The following DNAAF9 variants were observed in gnomAD, a reference collection of about 807,000 sequenced individuals.
DNAAF9 encodes dynein axonemal assembly factor 9.
In DNAAF9, 90 loss-of-function variants were observed where a neutral mutation model predicts 167.0. The ratio of observed to expected loss-of-function variants is 0.54; its 90% CI spans 0.45 to 0.64. The LOEUF (loss-of-function observed/expected upper bound fraction) is 0.64. Ranked by LOEUF, DNAAF9 falls within the 30% of genes least tolerant of loss-of-function variation. The probability of loss-of-function intolerance (pLI) is 0.00; values close to 1 mark genes in which losing one functional copy is unlikely to be tolerated. For missense variants in DNAAF9, 1,315 were observed against 1,442.2 expected, an observed-to-expected ratio of 0.91 and a Z score of 1.43; for synonymous variants, 491 against 508.8, an observed-to-expected ratio of 0.96 and a Z score of 0.47.
chr20:3,393,740 C>G (rs945838990), intron 1 of DNAAF9, among the ~76,000 whole-genome samples: 2 of 152,118 alleles, frequency 1.3e-5, no homozygotes, highest in Non-Finnish European at 2.9e-5. Flanking sequence ...TTAAGAGGTG[C>G]CTGCATTTTA....
chr20:3,271,115 C>T (rs1027904233), intron 29 of DNAAF9, among the ~76,000 whole-genome samples: 1 of 152,048 alleles, frequency 6.6e-6, no homozygotes, highest in African/African-American at 2.4e-5. Context: ...ACCCGGCCTC[C>T]TCTATTATTT....
At chr20:3,360,470 T>C (rs1568627290) in intron 6 of DNAAF9, among the ~76,000 whole-genome samples, 1 of 152,224 alleles carries the variant, frequency 6.6e-6, no homozygotes, top group Admixed American at 6.5e-5. Context: ...ATAATATGAC[T>C]TTTTTAGTTT....
At chr20:3,327,835 A>T (rs1417354206) in intron 12 of DNAAF9, among the ~76,000 whole-genome samples, 1 of 152,190 alleles carries the variant, frequency 6.6e-6, no homozygotes, top group African/African-American at 2.4e-5. Flanking sequence ...GCAGGACATG[A>T]CATGTCAGCT....
At chr20:3,339,052 C>T (rs1027436183) in intron 10 of DNAAF9, among the ~76,000 whole-genome samples, 4 of 152,016 alleles carry the variant, frequency 2.6e-5, no homozygotes, top group Admixed American at 1.3e-4. Flanking sequence ...CTGATTCCTT[C>T]CATGGATATG....
In DNAAF9 at chr20:3,250,289, G is replaced by C. The variant is rs1463273796; in HGVS notation, c.*2283C>G. ...TGACCTTCACAGAACAGAGAGGCCT[G>C]GCAGGTTCCAGGAGGCATCCCCTGG... On this transcript the variant is annotated 3_prime_UTR_variant, in exon 37 of 37. Coordinates refer to ENST00000252032, the MANE Select transcript of DNAAF9 (RefSeq NM_001009984.3). The C allele has an allele frequency of 6.6e-6, 1 of 152,242 alleles. No individual in the cohort carries two copies. The highest frequency in any genetic ancestry group is 1.5e-5 in the Non-Finnish European group (1 of 68,066). The allele number at this position is 152,242 out of a possible 1,614,324, so 9.4% of individuals were successfully genotyped here.
At chr20:3,325,006 G>C (rs1485389732) in intron 13 of DNAAF9, 38 bp from the exon 14 acceptor site, 1 of 1,180,764 alleles carries the variant, frequency 8.5e-7, no homozygotes, top group Non-Finnish European at 1.3e-6. Context: ...AGCTTTCACA[G>C]CAGGAAAAAG....
At chr20:3,272,714 A>G (rs1316001049) in intron 29 of DNAAF9, among the ~76,000 whole-genome samples, 7 of 152,224 alleles carry the variant, frequency 4.6e-5, no homozygotes. Flanking sequence ...CAACATTTAT[A>G]TTCTATTTTG....
chr20:3,374,988 C>A (rs144534213), intron 5 of DNAAF9, 42 bp downstream of exon 5: 2 of 1,060,106 alleles, frequency 1.9e-6, no homozygotes, highest in East Asian at 2.4e-5. Context: ...ATTCACACAC[C>A]ACCTAAGCAA....
At chr20:3,263,141 A>G (rs1009535432) in intron 31 of DNAAF9, among the ~76,000 whole-genome samples, 1 of 151,618 alleles carries the variant, frequency 6.6e-6, no homozygotes, top group South Asian at 2.1e-4. Context: ...CACCTGGCTA[A>G]TTTTTTGTAT....
intron 24 of DNAAF9, 39 bp from the exon 25 acceptor site, chr20:3,294,295 A>G (rs747425672): frequency 1.5e-6 from 2 of 1,375,502 alleles, no homozygotes; most frequent in African/African-American, 2.9e-5. Flanking sequence ...TTACCATCCT[A>G]GCCTGTCCTG....
chr20:3,387,118 T>A (rs1014509561), intron 1 of DNAAF9, among the ~76,000 whole-genome samples: 2 of 152,212 alleles, frequency 1.3e-5, no homozygotes, highest in African/African-American at 4.8e-5. Context: ...TGTAATCCCT[T>A]CTCAAATCCC....
intron 16 of DNAAF9, among the ~76,000 whole-genome samples, chr20:3,321,539 A>G (rs746645532): frequency 6.6e-6 from 1 of 152,110 alleles, no homozygotes; most frequent in Non-Finnish European, 1.5e-5. Context: ...GTGGTACAGG[A>G]CTGTAGTTAA....
chr20:3,281,901 GT>G, intron 27 of DNAAF9, 135 bp from the exon 28 acceptor site: 1 of 744,650 alleles, frequency 1.3e-6, no homozygotes, highest in South Asian at 1.8e-5. Context: ...TGGTCCCTTG[GT>G]GTCACTCCAC....
chr20:3,354,996 T>A (rs2083264791), intron 7 of DNAAF9, among the ~76,000 whole-genome samples: 2 of 152,160 alleles, frequency 1.3e-5, no homozygotes, highest in African/African-American at 4.8e-5. Context: ...CCCTCTCCAC[T>A]GACTCTAGGG....
chr20:3,298,637 T>C (rs1050673244), intron 21 of DNAAF9, among the ~76,000 whole-genome samples: 2 of 152,140 alleles, frequency 1.3e-5, no homozygotes, highest in Non-Finnish European at 2.9e-5. Flanking sequence ...TTTTCCCCTA[T>C]ACTGAAAATG....
chr20:3,307,980 A>G (rs1568594869), intron 20 of DNAAF9, among the ~76,000 whole-genome samples: 1 of 151,086 alleles, frequency 6.6e-6, no homozygotes, highest in East Asian at 1.9e-4. Flanking sequence ...AAAAAAAAAA[A>G]AAAAAAAACT....
At chr20:3,282,272 T>C (rs992070385) in intron 27 of DNAAF9, among the ~76,000 whole-genome samples, 1 of 152,160 alleles carries the variant, frequency 6.6e-6, no homozygotes, top group African/African-American at 2.4e-5. Context: ...CCAAACTCCT[T>C]GTCCTTTTCA....
In DNAAF9 at chr20:3,315,726, G is replaced by C; in HGVS notation, c.1590+9C>G. On this transcript the variant is annotated intron_variant, in intron 19 of 36. Coordinates refer to ENST00000252032, the MANE Select transcript of DNAAF9 (RefSeq NM_001009984.3). The surrounding 1 kb of genome is among the most constrained non-coding windows in gnomAD (Gnocchi z 4.1). ...TAATGTTCACACTGAGAATAAGAAG[G>C]CTGCTTACCCTCACTGCTTGCTGGG... 6.2e-7 allele frequency: 1 copy of C among 1,604,172 alleles called. No homozygotes were observed. The highest frequency in any genetic ancestry group is 8.5e-7 in the Non-Finnish European group (1 of 1,170,968).
intron 30 of DNAAF9, among the ~76,000 whole-genome samples, chr20:3,266,912 G>A (rs2068501099): frequency 6.7e-6 from 1 of 150,090 alleles, no homozygotes; most frequent in Non-Finnish European, 1.5e-5. Flanking sequence ...GAGTGCAATG[G>A]CGCAATCTCG....
Sources: allele counts gnomAD v4.1 joint callset (sites outside exome capture counted in the v4.1 genomes callset), GRCh38; gene constraint gnomAD v4.1.1; non-coding constraint Gnocchi (gnomAD v3.1); transcripts MANE v1.5; gene names NCBI Gene and HGNC (gene_info 2026-07-23, HGNC 2026-07-21).